The following STPG2 variants were observed in gnomAD, a reference collection of about 807,000 sequenced individuals.
STPG2 encodes the protein sperm tail PG-rich repeat containing 2.
A neutral mutation model predicts 54.2 loss-of-function variants in STPG2; 56 were observed. That is an observed-to-expected ratio of 1.03 (90% CI 0.83 to 1.29). The LOEUF is 1.29. Among genes scored for constraint, STPG2 ranks in the 50% most tolerant of loss-of-function variants. STPG2 has a pLI of 0.00. For missense variants in STPG2, 596 were observed against 544.9 expected, an observed-to-expected ratio of 1.09 and a Z score of -0.93; for synonymous variants, 200 against 181.8, an observed-to-expected ratio of 1.10 and a Z score of -0.81.
chr4:97,967,756 A>G (rs867245800), intron 7 of STPG2, among the ~76,000 whole-genome samples: 5 of 152,350 alleles, frequency 3.3e-5, no homozygotes, highest in Middle Eastern at 3.4e-3. Flanking sequence ...CTCCTGAATG[A>G]CTACTGGGTA....
intron 8 of STPG2, among the ~76,000 whole-genome samples, chr4:97,864,720 C>G (rs1729695251): frequency 6.6e-6 from 1 of 152,148 alleles, no homozygotes; most frequent in Non-Finnish European, 1.5e-5. Context: ...ACCAAAACAG[C>G]ATGCTACTGG....
rs572170538 is a variant in STPG2 at position 97,738,909 on chromosome 4, A to AT, written c.1205-26096dup. 9.7e-3 allele frequency among the ~76,000 whole-genome samples: 1,469 copies of AT among 152,060 alleles called. 10 individuals are homozygous for AT. Among genetic ancestry groups the AT allele is most frequent in the Middle Eastern group, 0.051 (15 of 292 alleles). On this transcript the variant is annotated intron_variant, in intron 9 of 10. Transcript: ENST00000295268. ...TCCACCCCAAATCAACAGAATATAC[A>AT]TTTTTTTTCAGCACCGCACCACACC... is the stretch of plus-strand genomic sequence containing the variant.
chr4:97,839,356 AT>A (rs1272157845), intron 9 of STPG2, among the ~76,000 whole-genome samples: 1 of 151,652 alleles, frequency 6.6e-6, no homozygotes, highest in Non-Finnish European at 1.5e-5. Context: ...CATAGTGTCA[AT>A]CCTGGCACTT....
chr4:97,469,728 T>G (rs776083972), intron 4 of STPG2, among the ~76,000 whole-genome samples: 4 of 151,648 alleles, frequency 2.6e-5, no homozygotes, highest in Non-Finnish European at 4.4e-5. Flanking sequence ...ACCAAGCTCA[T>G]AGAGCCAAAA....
intron 9 of STPG2, among the ~76,000 whole-genome samples, chr4:97,717,963 T>C (rs1224341549): frequency 2.6e-5 from 4 of 152,088 alleles, no homozygotes; most frequent in Non-Finnish European, 5.9e-5. Flanking sequence ...TTTGGTTTTA[T>C]ACTTCACAGT....
intron 5 of STPG2, among the ~76,000 whole-genome samples, chr4:98,070,032 T>G (rs1737953107): frequency 6.6e-6 from 1 of 152,042 alleles, no homozygotes; most frequent in Admixed American, 6.6e-5. Context: ...CTGACTCATT[T>G]TATGAGGCTA....
intron 7 of STPG2, among the ~76,000 whole-genome samples, chr4:97,959,390 T>C (rs578018659): frequency 2.4e-4 from 37 of 151,382 alleles, no homozygotes; most frequent in Non-Finnish European, 4.4e-4. Context: ...ATAAATGAAA[T>C]TGAAACTATA....
chr4:97,668,266 A>C (rs1722586657), intron 10 of STPG2, among the ~76,000 whole-genome samples: 1 of 152,210 alleles, frequency 6.6e-6, no homozygotes, highest in African/African-American at 2.4e-5. Flanking sequence ...TTCTGGAATT[A>C]GCCAGCAGTC....
intron 9 of STPG2, among the ~76,000 whole-genome samples, chr4:97,741,917 A>G (rs1725251519): frequency 1.3e-5 from 2 of 152,136 alleles, no homozygotes; most frequent in Non-Finnish European, 2.9e-5. Context: ...ATGCACACGT[A>G]TGTTTATTGT....
intron 1 of STPG2, among the ~76,000 whole-genome samples, chr4:98,138,803 C>A (rs1034834501): frequency 1.5e-4 from 23 of 152,092 alleles, no homozygotes; most frequent in African/African-American, 5.5e-4. Flanking sequence ...ACCACTCCCC[C>A]ACCAAAAAAG....
chr4:97,869,696 A>G (rs1352179589), intron 8 of STPG2, among the ~76,000 whole-genome samples: 1 of 151,696 alleles, frequency 6.6e-6, no homozygotes, highest in Non-Finnish European at 1.5e-5. Context: ...CAGTTCTGTC[A>G]TTATCTACTA....
At chr4:97,619,237 G>GTA (rs1335537533) in intron 10 of STPG2, among the ~76,000 whole-genome samples, 2 of 151,916 alleles carry the variant, frequency 1.3e-5, no homozygotes, top group African/African-American at 4.8e-5. Flanking sequence ...GTGTGTGTGT[G>GTA]TATGTGTGTG....
intron 4 of STPG2, among the ~76,000 whole-genome samples, chr4:97,534,248 CA>C (rs1289127756): frequency 1.3e-5 from 2 of 151,920 alleles, no homozygotes; most frequent in Non-Finnish European, 2.9e-5. Context: ...GGTATCTGTT[CA>C]AATATTATGT....
At chr4:97,641,021 T>C (rs1721751156) in intron 10 of STPG2, among the ~76,000 whole-genome samples, 1 of 151,670 alleles carries the variant, frequency 6.6e-6, no homozygotes, top group Non-Finnish European at 1.5e-5. Flanking sequence ...ATGTGAAACC[T>C]ACTTTCAATA....
intron 5 of STPG2, among the ~76,000 whole-genome samples, chr4:98,034,800 T>C (rs1261059932): frequency 6.6e-6 from 1 of 152,156 alleles, no homozygotes; most frequent in Non-Finnish European, 1.5e-5. Context: ...ACCACACATC[T>C]ACAACCATCT....
chr4:97,459,954 CA>C (rs1326231714), intron 4 of STPG2, among the ~76,000 whole-genome samples: 1 of 152,110 alleles, frequency 6.6e-6, no homozygotes, highest in Non-Finnish European at 1.5e-5. Context: ...TTCACTCTTT[CA>C]AATAATTAGA....
At chr4:97,906,670 G>A (rs554734399) in intron 8 of STPG2, among the ~76,000 whole-genome samples, 1 of 151,866 alleles carries the variant, frequency 6.6e-6, no homozygotes, top group Non-Finnish European at 1.5e-5. Flanking sequence ...TATCCACCAT[G>A]ATCAAGTGGG....
intron 8 of STPG2, among the ~76,000 whole-genome samples, chr4:97,898,910 T>C (rs1731062600): frequency 6.6e-6 from 1 of 151,572 alleles, no homozygotes; most frequent in Non-Finnish European, 1.5e-5. Flanking sequence ...AGAATGACTT[T>C]GAAAAGGATA....
At chr4:97,690,273 A>G (rs941587167) in intron 10 of STPG2, among the ~76,000 whole-genome samples, 3 of 152,292 alleles carry the variant, frequency 2.0e-5, no homozygotes, top group Admixed American at 1.3e-4. Context: ...AGGATAATTA[A>G]GTTCAAGCTA....
Sources: allele counts gnomAD v4.1 joint callset (sites outside exome capture counted in the v4.1 genomes callset), GRCh38; gene constraint gnomAD v4.1.1; transcripts MANE v1.5; gene names NCBI Gene and HGNC (gene_info 2026-07-23, HGNC 2026-07-21).